PBRM1: variants seen among roughly 807,000 people sequenced by gnomAD.
The protein encoded by PBRM1 is polybromo 1.
A neutral mutation model predicts 194.5 loss-of-function variants in PBRM1; 27 were observed. That is an observed-to-expected ratio of 0.14 (90% CI 0.10 to 0.19). The LOEUF is 0.19. PBRM1 is among the 10% of genes least tolerant of loss of function. The pLI, the probability that PBRM1 is intolerant of heterozygous loss-of-function variation, is 1.00. For missense variants in PBRM1, 1,466 were observed against 2,077.2 expected (o/e 0.71, Z 5.72); for synonymous variants, 655 against 693.2 (o/e 0.94, Z 0.87).
chr3:52,588,629 C>T (rs2092701676), intron 18 of PBRM1, among the ~76,000 whole-genome samples: 1 of 150,526 alleles, frequency 6.6e-6, no homozygotes, highest in South Asian at 2.1e-4. Flanking sequence ...TCTCGGCTCC[C>T]TTGCAAGCTC....
intron 16 of PBRM1, among the ~76,000 whole-genome samples, chr3:52,604,030 C>G (rs1315511190): frequency 6.6e-6 from 1 of 152,218 alleles, no homozygotes; most frequent in Non-Finnish European, 1.5e-5. Context: ...TCAATCGATT[C>G]TGGCAGGGGA....
chr3:52,545,418 CAAA>C (rs370189453), downstream of PBRM1: 3 of 230,254 alleles, frequency 1.3e-5, no homozygotes, highest in East Asian at 6.2e-5. Context: ...AGATGAACAA[CAAA>C]AAAAAGATAC....
intron 10 of PBRM1, among the ~76,000 whole-genome samples, chr3:52,639,124 G>T (rs956425207): frequency 6.6e-6 from 1 of 151,790 alleles, no homozygotes; most frequent in African/African-American, 2.4e-5. Context: ...ACCTGGGATT[G>T]CAGGCATGTG....
chr3:52,683,242 T>C (rs1578467574), upstream of PBRM1, among the ~76,000 whole-genome samples: 1 of 151,054 alleles, frequency 6.6e-6, no homozygotes, highest in African/African-American at 2.4e-5. Flanking sequence ...GCTGAGGCAG[T>C]GCATGCCTGT....
At chr3:52,643,967 G>A (rs1372047084) in intron 8 of PBRM1, among the ~76,000 whole-genome samples, 1 of 150,586 alleles carries the variant, frequency 6.6e-6, no homozygotes, top group Non-Finnish European at 1.5e-5. Context: ...GTGAGACTCT[G>A]TCTCAAAAAA....
chr3:52,634,880 GTTCAT>G, intron 10 of PBRM1, 65 bp from the exon 12 acceptor site: 1 of 1,114,844 alleles, frequency 9.0e-7, no homozygotes, highest in South Asian at 1.4e-5. Context: ...ATACTTTAAA[GTTCAT>G]TTAACAACCT....
At chr3:52,556,658 G>A (rs145261585) in intron 26 of PBRM1, among the ~76,000 whole-genome samples, 2 of 152,322 alleles carry the variant, frequency 1.3e-5, no homozygotes, top group East Asian at 3.9e-4. Context: ...AGCAAAGCTG[G>A]TCTCAAGACA....
intron 13 of PBRM1, among the ~76,000 whole-genome samples, chr3:52,619,083 G>A (rs999064482): frequency 5.1e-4 from 77 of 151,804 alleles, no homozygotes; most frequent in Admixed American, 3.9e-3. Context: ...TAGTAGAGAC[G>A]GGGTTTCACC....
At chr3:52,586,952 CAT>C (rs1463280801) in intron 19 of PBRM1, among the ~76,000 whole-genome samples, 1 of 152,040 alleles carries the variant, frequency 6.6e-6, no homozygotes, top group East Asian at 1.9e-4. Flanking sequence ...TCTTTGAAAA[CAT>C]ATGAACATTT....
Position 52,655,943 on chromosome 3 carries a change from T to A in PBRM1, c.645+2256A>T, listed in dbSNP as rs1243713696. Among the ~76,000 whole-genome samples, 6 of 152,274 alleles carry A rather than the reference T, an allele frequency of 3.9e-5. No individual in the cohort carries two copies. In the East Asian group the frequency reaches 1.2e-3, roughly 29 times the overall value. On this transcript the variant is annotated intron_variant, in intron 5 of 29. Transcript: ENST00000296302. ...CGGATCGGGTTCCAGTTATAGACAG[T>A]AATACAAAGGTAAATTACAGCACAG... is the stretch of plus-strand genomic sequence containing the variant.
intron 20 of PBRM1, chr3:52,585,691 T>A (rs912934959): frequency 1.3e-5 from 2 of 151,184 alleles, no homozygotes; most frequent in African/African-American, 2.4e-5. Context: ...ACCCAGCTAA[T>A]TTTTTGTATT....
chr3:52,617,565 A>G, intron 13 of PBRM1, 27 bp from the exon 16 acceptor site: 3 of 1,550,414 alleles, frequency 1.9e-6, no homozygotes, highest in Non-Finnish European at 2.6e-6. Context: ...AGAAAAGGGG[A>G]AAAATTAGAA....
chr3:52,608,950 A>G (rs2094482043), intron 16 of PBRM1: 2 of 195,224 alleles, frequency 1.0e-5, no homozygotes, highest in South Asian at 1.9e-4. Context: ...TATTTAAAGC[A>G]TTCGTGCACT....
At chr3:52,591,335 GT>G (rs759149454) in intron 17 of PBRM1, among the ~76,000 whole-genome samples, 6 of 152,076 alleles carry the variant, frequency 3.9e-5, no homozygotes, top group Non-Finnish European at 7.4e-5. Flanking sequence ...TCTTGTGTCA[GT>G]TTTCAAAGGG....
chr3:52,679,593 T>C (rs529388126), exon 1 of PBRM1: 22 of 1,613,362 alleles, frequency 1.4e-5, no homozygotes, highest in East Asian at 6.7e-5. Flanking sequence ...AGTTGGAAGA[T>C]TGGAAAGTCT....
intron 6 of PBRM1, among the ~76,000 whole-genome samples, chr3:52,649,125 C>G (rs2096413885): frequency 6.6e-6 from 1 of 152,126 alleles, no homozygotes; most frequent in African/African-American, 2.4e-5. Context: ...GCCATAAGCA[C>G]AGAGAGGGTA....
chr3:52,564,324 A>G (rs2084448057), intron 22 of PBRM1, 91 bp from the exon 25 acceptor site: 1 of 893,728 alleles, frequency 1.1e-6, no homozygotes. Context: ...GGATGAATAC[A>G]TTCATATAAT....
intron 26 of PBRM1, among the ~76,000 whole-genome samples, chr3:52,557,349 A>C (rs1170709270): frequency 6.6e-6 from 1 of 152,192 alleles, no homozygotes; most frequent in African/African-American, 2.4e-5. Flanking sequence ...AACAGCAAAA[A>C]CAGCATCCCA....
At chr3:52,563,224 G>A in intron 24 of PBRM1, 59 bp downstream of exon 26, 1 of 1,339,186 alleles carries the variant, frequency 7.5e-7, no homozygotes, top group Non-Finnish European at 1.1e-6. Context: ...CTTTGGTTTT[G>A]AGTCTGCTGC....
Sources: allele counts gnomAD v4.1 joint callset (sites outside exome capture counted in the v4.1 genomes callset), GRCh38; gene constraint gnomAD v4.1.1; transcripts MANE v1.5; gene names NCBI Gene and HGNC (gene_info 2026-07-23, HGNC 2026-07-21).